The following NALF1 variants were observed in gnomAD, a reference collection of about 807,000 sequenced individuals.
The protein encoded by NALF1 is NALCN channel auxiliary factor 1.
NALF1 carries 3 observed loss-of-function variants against 48.4 expected under a neutral mutation model. The observed-to-expected ratio is 0.06, with a 90% CI of 0.03 to 0.16. The LOEUF (loss-of-function observed/expected upper bound fraction) is 0.16. Among genes scored for constraint, NALF1 ranks in the 10% least tolerant of loss-of-function variants. The pLI is 1.00. For synonymous variants in NALF1, 262 were observed against 245.7 expected (o/e 1.07, Z -0.62); for missense variants, 526 against 571.5 (o/e 0.92, Z 0.81).
At chr13:107,252,093 A>G (rs934644398) in intron 1 of NALF1, among the ~76,000 whole-genome samples, 1 of 152,040 alleles carries the variant, frequency 6.6e-6, no homozygotes, top group Non-Finnish European at 1.5e-5. Flanking sequence ...TGGAGCCTCT[A>G]CCACCCCCAC....
At chr13:107,620,530 G>A (rs1879492152) in intron 1 of NALF1, among the ~76,000 whole-genome samples, 1 of 152,138 alleles carries the variant, frequency 6.6e-6, no homozygotes, top group Non-Finnish European at 1.5e-5. Flanking sequence ...CCCTATGCCT[G>A]GATTCCCTGG....
chr13:107,771,254 G>T (rs1421964869), intron 1 of NALF1, among the ~76,000 whole-genome samples: 1 of 151,884 alleles, frequency 6.6e-6, no homozygotes, highest in Non-Finnish European at 1.5e-5. Flanking sequence ...CATGTTGTGT[G>T]TGTGTGTGTC....
intron 1 of NALF1, among the ~76,000 whole-genome samples, chr13:107,480,705 A>T (rs1008774480): frequency 2.0e-5 from 3 of 152,240 alleles, no homozygotes; most frequent in Non-Finnish European, 4.4e-5. Flanking sequence ...GGACAAGCTT[A>T]CTATAGAACA....
intron 1 of NALF1, among the ~76,000 whole-genome samples, chr13:107,736,272 G>C (rs1876468459): frequency 6.6e-6 from 1 of 151,924 alleles, no homozygotes; most frequent in Non-Finnish European, 1.5e-5. Flanking sequence ...CACTGTGTTT[G>C]TTAGAAACGT....
chr13:107,267,973 T>A lies in NALF1; in HGVS notation c.916-57218A>T, dbSNP rs1432863493. On this transcript the variant is annotated intron_variant, in intron 1 of 2. Coordinates refer to ENST00000375915, the MANE Select transcript of NALF1 (RefSeq NM_001080396.3). The stretch of plus-strand genomic sequence containing the variant: ...GCAATTTAAAACACATGAATTGTTT[T>A]TTTCTGGAATTTTTTTTTTTTTTTT... Among the ~76,000 whole-genome samples, 4 of 140,828 alleles carry A rather than the reference T, an allele frequency of 2.8e-5. No homozygotes were observed. The Admixed American group carries it at 3.3e-4, about 11-fold the overall frequency. 92.4% of individuals were successfully genotyped at this position (140,828 alleles called of 152,430 possible).
At chr13:107,820,582 C>T (rs1049469511) in intron 1 of NALF1, among the ~76,000 whole-genome samples, 4 of 152,134 alleles carry the variant, frequency 2.6e-5, no homozygotes, top group Admixed American at 6.5e-5. Flanking sequence ...TTTAGGGAGT[C>T]CAAAAGCCTA....
intron 1 of NALF1, among the ~76,000 whole-genome samples, chr13:107,287,273 C>T (rs1271623499): frequency 6.6e-6 from 1 of 152,150 alleles, no homozygotes; most frequent in Non-Finnish European, 1.5e-5. Context: ...TGTAATTATC[C>T]GTGGAACATC....
chr13:107,265,588 T>C (rs964038090), intron 1 of NALF1, among the ~76,000 whole-genome samples: 6 of 152,110 alleles, frequency 3.9e-5, no homozygotes, highest in African/African-American at 1.2e-4. Context: ...GTGTTTTTAG[T>C]AGAGATGGGG....
chr13:107,219,655 C>T (rs949875424), intron 1 of NALF1, among the ~76,000 whole-genome samples: 1 of 152,156 alleles, frequency 6.6e-6, no homozygotes, highest in Non-Finnish European at 1.5e-5. Flanking sequence ...CCATAATCTA[C>T]AATCTATTTA....
intron 2 of NALF1, among the ~76,000 whole-genome samples, chr13:107,207,472 A>G (rs1879667976): frequency 6.6e-6 from 1 of 152,212 alleles, no homozygotes; most frequent in East Asian, 1.9e-4. Context: ...CCTTAGACGC[A>G]TGACAAGCCA....
At chr13:107,640,567 A>G (rs1234340845) in intron 1 of NALF1, among the ~76,000 whole-genome samples, 1 of 152,174 alleles carries the variant, frequency 6.6e-6, no homozygotes, top group Non-Finnish European at 1.5e-5. Context: ...ATATGAAACA[A>G]TCTATAGACC....
At chr13:107,791,776 C>T (rs1878241904) in intron 1 of NALF1, among the ~76,000 whole-genome samples, 1 of 120,520 alleles carries the variant, frequency 8.3e-6, no homozygotes, top group Non-Finnish European at 1.7e-5. Flanking sequence ...CGTGGTGATC[C>T]CCGCCCCCCC....
At chr13:107,172,293 A>C (rs966586746) in intron 2 of NALF1, among the ~76,000 whole-genome samples, 2 of 152,186 alleles carry the variant, frequency 1.3e-5, no homozygotes, top group African/African-American at 4.8e-5. Flanking sequence ...ACAATTGCTC[A>C]TTTTAATTTC....
At chr13:107,213,285 T>C (rs1043077747) in intron 1 of NALF1, among the ~76,000 whole-genome samples, 2 of 143,950 alleles carry the variant, frequency 1.4e-5, no homozygotes, top group African/African-American at 5.1e-5. Context: ...GATCACAGCA[T>C]TTTTTTTTAA....
intron 1 of NALF1, among the ~76,000 whole-genome samples, chr13:107,447,730 A>G (rs1157413654): frequency 6.6e-6 from 1 of 152,160 alleles, no homozygotes; most frequent in Non-Finnish European, 1.5e-5. Flanking sequence ...ATTCCGTGGC[A>G]GCAGCTGCAG....
chr13:107,171,275 C>G (rs567479439), intron 2 of NALF1, among the ~76,000 whole-genome samples: 26 of 152,350 alleles, frequency 1.7e-4, no homozygotes, highest in African/African-American at 5.5e-4. Flanking sequence ...TTCTCTCCCC[C>G]TCTCTGGGAG....
intron 1 of NALF1, among the ~76,000 whole-genome samples, chr13:107,786,860 C>G (rs1443361587): frequency 6.6e-6 from 1 of 152,190 alleles, no homozygotes; most frequent in Non-Finnish European, 1.5e-5. Context: ...TCACTGAAAT[C>G]TAACTCACTG....
chr13:107,235,695 G>T (rs1880327522), intron 1 of NALF1, among the ~76,000 whole-genome samples: 1 of 152,170 alleles, frequency 6.6e-6, no homozygotes, highest in African/African-American at 2.4e-5. Flanking sequence ...TGAATCCACA[G>T]ATTTGGAACC....
chr13:107,826,957 G>T (rs999532923), intron 1 of NALF1, among the ~76,000 whole-genome samples: 10 of 152,116 alleles, frequency 6.6e-5, no homozygotes, highest in African/African-American at 2.4e-4. Context: ...TATACAAGTG[G>T]TAGAAAATTA....
Sources: gnomAD v4.1 joint callset for allele counts (sites outside exome capture counted in the v4.1 genomes callset) on GRCh38, gnomAD v4.1.1 for gene constraint, MANE v1.5 for transcripts, NCBI Gene and HGNC (gene_info 2026-07-23, HGNC 2026-07-21) for gene names.